The following LRRC7 variants were observed in gnomAD, a reference collection of about 807,000 sequenced individuals.
LRRC7 encodes the protein leucine rich repeat containing 7, also known as leucine-rich repeat-containing protein 7.
Under a neutral mutation model 175.7 loss-of-function variants are expected in LRRC7, and 23 were observed. That is an observed-to-expected ratio of 0.13 (90% CI 0.09 to 0.19). The LOEUF is 0.19. Among genes scored for constraint, LRRC7 ranks in the 10% least tolerant of loss-of-function variants. The probability of loss-of-function intolerance (pLI) is 1.00; values close to 1 mark genes in which losing one functional copy is unlikely to be tolerated. For synonymous variants in LRRC7, 685 were observed against 680.9 expected (o/e 1.01, Z -0.09); for missense variants, 1,354 against 1,904.7 (o/e 0.71, Z 5.38).
rs945665589 is a variant in LRRC7 at position 70,126,128 on chromosome 1, G to C, written c.*4241G>C. On this transcript the variant is annotated 3_prime_UTR_variant, in exon 27 of 27. Coordinates refer to ENST00000651989, the MANE Select transcript of LRRC7 (RefSeq NM_001370785.2). ...ATTAGCACACCGATCAAATATGTCT[G>C]ATGAATACATTCTCATCAAGAGGCA... 6.6e-6 allele frequency among the ~76,000 whole-genome samples: 1 copy of C among 152,036 alleles called. No individual in the cohort carries two copies. The highest frequency in any genetic ancestry group is 1.5e-5 in the Non-Finnish European group (1 of 68,018).
At chr1:69,813,317 G>A (rs1490129780) in intron 4 of LRRC7, among the ~76,000 whole-genome samples, 1 of 152,080 alleles carries the variant, frequency 6.6e-6, no homozygotes, top group African/African-American at 2.4e-5. Context: ...AGTGCTGAAA[G>A]GAACTAGCAA....
chr1:69,970,124 C>G (rs989647080), intron 8 of LRRC7, among the ~76,000 whole-genome samples: 1 of 152,056 alleles, frequency 6.6e-6, no homozygotes, highest in Non-Finnish European at 1.5e-5. Context: ...TGGCATACAG[C>G]AAAGGCGGTG....
chr1:69,673,448 C>T (rs921822612), intron 1 of LRRC7, among the ~76,000 whole-genome samples: 10 of 152,334 alleles, frequency 6.6e-5, no homozygotes, highest in South Asian at 2.1e-4. Flanking sequence ...GTGGTCATTA[C>T]ATTTAATCTC....
rs145863270 is a variant in LRRC7 at position 69,941,842 on chromosome 1, G to T, written c.711+10272G>T. Among the ~76,000 whole-genome samples, 43 of 152,004 alleles carry T rather than the reference G, an allele frequency of 2.8e-4. No individual in the cohort carries two copies. In the East Asian group the frequency reaches 7.3e-3, roughly 26 times the overall value. ...ACAGCCTTTCCATGTGACAAACATC[G>T]TGTAGTATTTTCTTTGGAGATTATA... On this transcript the variant is annotated intron_variant, in intron 8 of 26. Coordinates refer to ENST00000651989, the MANE Select transcript of LRRC7 (RefSeq NM_001370785.2).
At chr1:69,889,042 A>G (rs1352262881) in intron 7 of LRRC7, among the ~76,000 whole-genome samples, 6 of 152,338 alleles carry the variant, frequency 3.9e-5, no homozygotes, top group Non-Finnish European at 8.8e-5. Flanking sequence ...TAAGTGTACA[A>G]TAGCATTATG....
chr1:69,867,392 A>G (rs745611560), intron 7 of LRRC7, among the ~76,000 whole-genome samples: 1 of 152,208 alleles, frequency 6.6e-6, no homozygotes, highest in Non-Finnish European at 1.5e-5. Flanking sequence ...ACTGAATAAC[A>G]TTATACATAA....
intron 1 of LRRC7, among the ~76,000 whole-genome samples, chr1:69,669,537 GA>G (rs1658756851): frequency 6.6e-6 from 1 of 152,104 alleles, no homozygotes; most frequent in African/African-American, 2.4e-5. Flanking sequence ...ATTATTAAAT[GA>G]ACTGAGGTAG....
chr1:70,078,850 A>G (rs1354009882), intron 24 of LRRC7, among the ~76,000 whole-genome samples: 1 of 151,124 alleles, frequency 6.6e-6, no homozygotes, highest in Non-Finnish European at 1.5e-5. Flanking sequence ...ACACACACAC[A>G]CACTCCCCGT....
At chr1:69,649,369 G>A (rs1460352520) in intron 1 of LRRC7, among the ~76,000 whole-genome samples, 1 of 152,192 alleles carries the variant, frequency 6.6e-6, no homozygotes, top group African/African-American at 2.4e-5. Context: ...GCTATGGGAA[G>A]TGAGGATGAT....
At chr1:69,737,418 C>T (rs1275975689) in intron 2 of LRRC7, among the ~76,000 whole-genome samples, 3 of 152,102 alleles carry the variant, frequency 2.0e-5, no homozygotes, top group Non-Finnish European at 2.9e-5. Context: ...TGTGAGGCCT[C>T]CTAGCCATGT....
At chr1:70,066,612 T>A (rs2102100632) in intron 23 of LRRC7, among the ~76,000 whole-genome samples, 1 of 152,148 alleles carries the variant, frequency 6.6e-6, no homozygotes, top group South Asian at 2.1e-4. Flanking sequence ...ATATCACAGT[T>A]CGTTTATCAT....
chr1:69,921,033 C>G (rs1646874306), intron 7 of LRRC7, among the ~76,000 whole-genome samples: 1 of 152,132 alleles, frequency 6.6e-6, no homozygotes, highest in South Asian at 2.1e-4. Flanking sequence ...AGCAGATGTT[C>G]TCCTTAAAAC....
intron 10 of LRRC7, among the ~76,000 whole-genome samples, chr1:69,992,063 A>G (rs1296826144): frequency 6.6e-6 from 1 of 152,142 alleles, no homozygotes; most frequent in African/African-American, 2.4e-5. Flanking sequence ...TGGCTTTTCT[A>G]CCTTACTTGC....
intron 7 of LRRC7, among the ~76,000 whole-genome samples, chr1:69,916,774 C>G (rs1172537467): frequency 6.6e-6 from 1 of 152,022 alleles, no homozygotes; most frequent in African/African-American, 2.4e-5. Context: ...ATAACATTGG[C>G]AAGTTACTTG....
intron 1 of LRRC7, among the ~76,000 whole-genome samples, chr1:69,630,935 C>T (rs1345210842): frequency 1.3e-5 from 2 of 151,248 alleles, no homozygotes; most frequent in African/African-American, 2.4e-5. Context: ...AGATCTGTAA[C>T]TTCTTCTTTT....
At chr1:69,781,847 G>GGAAGGAAGGAAGGAAGGA (rs1204657998) in intron 3 of LRRC7, among the ~76,000 whole-genome samples, 1 of 95,746 alleles carries the variant, frequency 1.0e-5, no homozygotes, top group African/African-American at 5.0e-5. Context: ...GGAAGGAAGG[G>GGAAGGAAGGAAGGAAGGA]AGAGAAAGAA....
intron 1 of LRRC7, among the ~76,000 whole-genome samples, chr1:69,654,749 C>T (rs1298581103): frequency 6.6e-6 from 1 of 152,078 alleles, no homozygotes; most frequent in African/African-American, 2.4e-5. Context: ...TATCTTTCTT[C>T]AAACAAGTGA....
chr1:69,970,889 T>C (rs1345429485), intron 8 of LRRC7, among the ~76,000 whole-genome samples: 1 of 152,114 alleles, frequency 6.6e-6, no homozygotes, highest in Non-Finnish European at 1.5e-5. Context: ...AACGTAATAC[T>C]AGCTAATTGA....
At chr1:69,912,358 G>A (rs1646558041) in intron 7 of LRRC7, among the ~76,000 whole-genome samples, 1 of 152,088 alleles carries the variant, frequency 6.6e-6, no homozygotes, top group African/African-American at 2.4e-5. Flanking sequence ...ATCTACAAGA[G>A]TTTTAAAACA....
Sources: gnomAD v4.1 joint callset for allele counts (sites outside exome capture counted in the v4.1 genomes callset) on GRCh38, gnomAD v4.1.1 for gene constraint, MANE v1.5 for transcripts, NCBI Gene and HGNC (gene_info 2026-07-23, HGNC 2026-07-21) for gene names.